Variants in NAB1 observed in about 807,000 individuals in gnomAD.
NAB1 encodes the protein NGFI-A binding protein 1.
NAB1 carries 25 observed loss-of-function variants against 49.9 expected under a neutral mutation model. The observed-to-expected ratio is 0.50, with a 90% CI of 0.37 to 0.70. The LOEUF (loss-of-function observed/expected upper bound fraction) is 0.70, where lower values mean the gene tolerates loss of function less well. Among genes scored for constraint, NAB1 ranks in the 30% least tolerant of loss-of-function variants. The pLI is 0.00. For missense variants in NAB1, 489 were observed against 575.9 expected, an observed-to-expected ratio of 0.85 and a Z score of 1.54; for synonymous variants, 198 against 215.6, an observed-to-expected ratio of 0.92 and a Z score of 0.71.
In NAB1 at chr2:190,666,151, T is replaced by C. The variant is rs114035188; in HGVS notation, c.820-4175T>C. On this transcript the variant is annotated intron_variant, in intron 4 of 9. Transcript: ENST00000337386. This position sits in a 1 kb window ranked among gnomAD's most constrained non-coding sequence, Gnocchi z 5.6. ...TTTATTTAACATTTTTAGTTTTTTT[T>C]TTCTGAGAGGGGCCAGTAATGGTAC... Among the ~76,000 whole-genome samples, 2,135 of 152,250 alleles carry C rather than the reference T, an allele frequency of 0.014. 49 individuals are homozygous for C. Among genetic ancestry groups the C allele is most frequent in the African/African-American group, 0.048 (1,983 of 41,526 alleles).
At chr2:190,687,430 A>G (rs1328270281) in intron 9 of NAB1, 113 bp downstream of exon 9, 5 of 642,006 alleles carry the variant, frequency 7.8e-6, no homozygotes, top group Middle Eastern at 2.5e-4. Context: ...GTCATTACTG[A>G]CAGTGTTCCT....
chr2:190,667,689 A>G lies in NAB1; in HGVS notation c.820-2637A>G, dbSNP rs1338491361. ...GGCCAAATTAATTGTCTCAGAACAA[A>G]TTAATATAAATTACAGTTATAAATT... On this transcript the variant is annotated intron_variant, in intron 4 of 9. Transcript: ENST00000337386. This position sits in a 1 kb window ranked among gnomAD's most constrained non-coding sequence, Gnocchi z 4.4. Among the ~76,000 whole-genome samples, 1 of 152,158 alleles carries G rather than the reference A, an allele frequency of 6.6e-6. No homozygotes were observed. The highest frequency in any genetic ancestry group is 2.4e-5 in the African/African-American group (1 of 41,438).
intron 2 of NAB1, among the ~76,000 whole-genome samples, chr2:190,650,291 G>A (rs1693594964): frequency 2.0e-5 from 3 of 152,178 alleles, no homozygotes. Context: ...TGAAAGAGTC[G>A]ATTTGGAGTA....
Position 190,656,648 on chromosome 2 carries a change from AT to A in NAB1, c.-20+505del, listed in dbSNP as rs568666112. Among the ~76,000 whole-genome samples the A allele has an allele frequency of 4.2e-4, 62 of 149,266 alleles. No individual in the cohort carries two copies. In the South Asian group the frequency reaches 7.6e-3, roughly 18 times the overall value. ...TTTCTCTTAAGAACTAGGGGGTTTC[AT>A]TTTTTTTTTAAGTGGGTAAAGATGA... On this transcript the variant is annotated intron_variant, in intron 3 of 9. Coordinates refer to ENST00000337386, the MANE Select transcript of NAB1 (RefSeq NM_005966.4).
rs939988561 is a variant in NAB1, at chr2:190,667,572, T to C, written c.820-2754T>C. Among the ~76,000 whole-genome samples the C allele has an allele frequency of 6.6e-6, 1 of 152,212 alleles. No individual in the cohort carries two copies. The highest frequency in any genetic ancestry group is 1.9e-4 in the East Asian group (1 of 5,192). On this transcript the variant is annotated intron_variant, in intron 4 of 9. Coordinates refer to ENST00000337386, the MANE Select transcript of NAB1 (RefSeq NM_005966.4). This position sits in a 1 kb window ranked among gnomAD's most constrained non-coding sequence, Gnocchi z 4.4. ...ACTCTTTAGGAGGAGTGGAGAAGGC[T>C]GAAAATAAATTCTTCCTTCAATTAT...
Position 190,686,741 on chromosome 2 carries a change from T to C in NAB1, c.1259-460T>C, listed in dbSNP as rs1157025164. ...CATGACAACATGATTGGGTGTATAATTTTTTCCCATATTTGTGCTAAATCT... is the reference window on the plus strand; with the variant it reads ...CATGACAACATGATTGGGTGTATAACTTTTTCCCATATTTGTGCTAAATCT... On this transcript the variant is annotated intron_variant, in intron 8 of 9. Transcript: ENST00000337386. The surrounding 1 kb of genome is among the most constrained non-coding windows in gnomAD (Gnocchi z 5.5). 1.3e-5 allele frequency among the ~76,000 whole-genome samples: 2 copies of C among 152,150 alleles called. No homozygotes were observed. Among genetic ancestry groups the C allele is most frequent in the South Asian group, 4.1e-4 (2 of 4,832 alleles).
rs1039369157 is a variant in NAB1 at position 190,652,824 on chromosome 2, G to C, written c.-197+2842G>C. ...AATCTTAAGTAACCCATAAAGTGTA[G>C]CTGAACTATATTTAATCATTTTAGC... is the stretch of plus-strand genomic sequence containing the variant. On this transcript the variant is annotated intron_variant, in intron 2 of 9. Transcript: ENST00000337386. This position sits in a 1 kb window ranked among gnomAD's most constrained non-coding sequence, Gnocchi z 4.2. Among the ~76,000 whole-genome samples the C allele has an allele frequency of 2.0e-5, 3 of 152,182 alleles. No individual in the cohort carries two copies. Among genetic ancestry groups the C allele is most frequent in the Non-Finnish European group, 2.9e-5 (2 of 68,032 alleles).
intron 4 of NAB1, 119 bp downstream of exon 4, chr2:190,660,114 C>T (rs977373175): frequency 2.2e-5 from 19 of 861,622 alleles, no homozygotes; most frequent in African/African-American, 3.4e-5. Context: ...GTATTAAAAA[C>T]ATTGAGGTGT....
In NAB1 at chr2:190,682,971, A is replaced by AT. The variant is rs1695421884; in HGVS notation, c.1006-766dup. Among the ~76,000 whole-genome samples, 1 of 152,236 alleles carries AT rather than the reference A, an allele frequency of 6.6e-6. No individual in the cohort carries two copies. The highest frequency in any genetic ancestry group is 1.5e-5 in the Non-Finnish European group (1 of 68,034). On this transcript the variant is annotated intron_variant, in intron 6 of 9. Coordinates refer to ENST00000337386, the MANE Select transcript of NAB1 (RefSeq NM_005966.4). The surrounding 1 kb of genome is among the most constrained non-coding windows in gnomAD (Gnocchi z 4.1). ...GATAATCTAAGCTATCGAAAATGCT[A>AT]TCTCCATGAAAATATTTTTGCAGTG...
Position 190,659,770 on chromosome 2 carries a change from T to G in NAB1, c.594T>G (p.Ser198=). 1 of 1,614,020 alleles carries G rather than the reference T, an allele frequency of 6.2e-7. No individual in the cohort carries two copies. Residue 198 remains serine (S), a synonymous_variant, in exon 4 of 10, where the codon TCT becomes TCG. Coordinates refer to ENST00000337386, the MANE Select transcript of NAB1 (RefSeq NM_005966.4). This position sits in a 1 kb window ranked among gnomAD's most constrained non-coding sequence, Gnocchi z 6.2. ...SEALDAAAAL[S]VAECVERMAP... is the part of the protein sequence containing the mutation. The stretch of plus-strand genomic sequence containing the variant: ...CGCTGGATGCTGCTGCTGCGCTCTC[T>G]GTGGCTGAGTGTGTGGAGCGGATGG...
chr2:190,673,567 A>G (rs1694927150), intron 6 of NAB1, among the ~76,000 whole-genome samples: 2 of 152,184 alleles, frequency 1.3e-5, no homozygotes, highest in East Asian at 1.9e-4. Flanking sequence ...TTGATTTGCA[A>G]TCGGTGTTTC....
rs915565463 is a variant in NAB1 at position 190,682,438 on chromosome 2, T to C, written c.1006-1300T>C. 2.0e-5 allele frequency among the ~76,000 whole-genome samples: 3 copies of C among 152,330 alleles called. No homozygotes were observed. Among genetic ancestry groups the C allele is most frequent in the South Asian group, 4.1e-4 (2 of 4,832 alleles). On this transcript the variant is annotated intron_variant, in intron 6 of 9. Transcript: ENST00000337386. The surrounding 1 kb of genome is among the most constrained non-coding windows in gnomAD (Gnocchi z 4.1). ...AAGCTCCATTTCCTGTCATAGGTTA[T>C]GATAAAGGTGAAATCGCAAGCCAAC... is the stretch of plus-strand genomic sequence containing the variant.
At chr2:190,649,028 C>A (rs1379274231), upstream of NAB1, 3 of 139,706 alleles carry the variant, frequency 2.1e-5, no homozygotes, top group South Asian at 6.8e-4. The surrounding 1 kb of genome is among the most constrained non-coding windows in gnomAD (Gnocchi z 6.1). Flanking sequence ...GTGTAGCGCG[C>A]GCGGGGAAGG....
chr2:190,671,391 A>G (rs566245991), intron 5 of NAB1, among the ~76,000 whole-genome samples: 1 of 152,306 alleles, frequency 6.6e-6, no homozygotes, highest in South Asian at 2.1e-4. Context: ...TTTCTGCCCT[A>G]CGTCAGTACC....
In NAB1 at chr2:190,677,716, A is replaced by G. The variant is rs988647139; in HGVS notation, c.1005+4564A>G. Among the ~76,000 whole-genome samples, 2 of 152,168 alleles carry G rather than the reference A, an allele frequency of 1.3e-5. No homozygotes were observed. The highest frequency in any genetic ancestry group is 6.5e-5 in the Admixed American group (1 of 15,268). On this transcript the variant is annotated intron_variant, in intron 6 of 9. Transcript: ENST00000337386. This position sits in a 1 kb window ranked among gnomAD's most constrained non-coding sequence, Gnocchi z 5.6. ...GTGGAGGCTTTATGATTTCCATTTT[A>G]CAGCCAAGGAGAGACCCAGACAGGC... is the stretch of plus-strand genomic sequence containing the variant.
chr2:190,686,423 A>G lies in NAB1; in HGVS notation c.1259-778A>G, dbSNP rs1039022783. ...TGTTATACTTTTCTAGAGAGTGGTTATTATTGTAAAAAAATAAAAGGATTC... is the reference window on the plus strand; with the variant it reads ...TGTTATACTTTTCTAGAGAGTGGTTGTTATTGTAAAAAAATAAAAGGATTC... On this transcript the variant is annotated intron_variant, in intron 8 of 9. Transcript: ENST00000337386. This position sits in a 1 kb window ranked among gnomAD's most constrained non-coding sequence, Gnocchi z 5.5. 1.3e-5 allele frequency among the ~76,000 whole-genome samples: 2 copies of G among 152,180 alleles called. No homozygotes were observed. The highest frequency in any genetic ancestry group is 6.5e-5 in the Admixed American group (1 of 15,274).
intron 9 of NAB1, among the ~76,000 whole-genome samples, chr2:190,688,864 G>T (rs1374116708): frequency 1.4e-5 from 2 of 138,986 alleles, no homozygotes; most frequent in African/African-American, 5.8e-5. Flanking sequence ...TTTTGAGATG[G>T]AGTCTCGCTT....
In NAB1 at chr2:190,654,944, G is replaced by C. The variant is rs1693844834; in HGVS notation, c.-196-1033G>C. On this transcript the variant is annotated intron_variant, in intron 2 of 9. Coordinates refer to ENST00000337386, the MANE Select transcript of NAB1 (RefSeq NM_005966.4). The surrounding 1 kb of genome is among the most constrained non-coding windows in gnomAD (Gnocchi z 5.6). Reference sequence around the variant, plus strand: ...TGGAAAGAGTAGACTTGGGAATCTGGAAGAAGGGCAGAAAATGAGAGAATG... The same window carrying C: ...TGGAAAGAGTAGACTTGGGAATCTGCAAGAAGGGCAGAAAATGAGAGAATG... Among the ~76,000 whole-genome samples the C allele has an allele frequency of 6.6e-6, 1 of 152,208 alleles. No homozygotes were observed. Among genetic ancestry groups the C allele is most frequent in the African/African-American group, 2.4e-5 (1 of 41,462 alleles).
chr2:190,653,746 C>T (rs1028097440), intron 2 of NAB1: 1 of 152,100 alleles, frequency 6.6e-6, no homozygotes, highest in Admixed American at 6.6e-5. Flanking sequence ...AGAAAAAGAC[C>T]TAGGATCTCA....
Sources: gnomAD v4.1 joint callset for allele counts (sites outside exome capture counted in the v4.1 genomes callset) on GRCh38, gnomAD v4.1.1 for gene constraint, Gnocchi (gnomAD v3.1) non-coding constraint, MANE v1.5 for transcripts, NCBI Gene and HGNC (gene_info 2026-07-23, HGNC 2026-07-21) for gene names.